RYR2: variants seen among roughly 807,000 people sequenced by gnomAD.
RYR2 encodes the protein ryanodine receptor 2.
In RYR2, 227 loss-of-function variants were observed where a neutral mutation model predicts 601.1. The ratio of observed to expected loss-of-function variants is 0.38; its 90% CI spans 0.34 to 0.42. RYR2 has a LOEUF of 0.42. RYR2 is among the 10% of genes least tolerant of loss of function. The pLI is 1.00. For missense variants in RYR2, 4,646 were observed against 6,156.5 expected (o/e 0.75, Z 8.21); for synonymous variants, 2,223 against 2,175.1 (o/e 1.02, Z -0.61).
intron 70 of RYR2, among the ~76,000 whole-genome samples, chr1:237,711,463 A>G (rs996258621): frequency 6.6e-6 from 1 of 152,210 alleles, no homozygotes; most frequent in African/African-American, 2.4e-5. Flanking sequence ...GCGTTTGAAT[A>G]TTCATTCTAC....
At chr1:237,434,148 G>A (rs1707119263) in intron 12 of RYR2, among the ~76,000 whole-genome samples, 1 of 152,150 alleles carries the variant, frequency 6.6e-6, no homozygotes, top group African/African-American at 2.4e-5. Flanking sequence ...GAAAGTATAA[G>A]TACATTTGGA....
intron 2 of RYR2, among the ~76,000 whole-genome samples, chr1:237,287,603 TGAGACTTTCCA>T (rs1312710437): frequency 1.3e-5 from 2 of 152,246 alleles, no homozygotes; most frequent in African/African-American, 4.8e-5. Context: ...ATTCTATTGC[TGAGACTTTCCA>T]GAGCATTTCA....
chr1:237,626,257 GAAT>G (rs1222591313), intron 40 of RYR2, among the ~76,000 whole-genome samples: 1 of 151,988 alleles, frequency 6.6e-6, no homozygotes, highest in Non-Finnish European at 1.5e-5. Context: ...TCCTATTTCA[GAAT>G]AATAAGCACC....
chr1:237,664,654 G>A (rs1055458597), intron 56 of RYR2, among the ~76,000 whole-genome samples: 6 of 152,246 alleles, frequency 3.9e-5, no homozygotes, highest in South Asian at 2.1e-4. Context: ...GGGTACCCCC[G>A]ACAATATGAG....
At chr1:237,168,739 G>A (rs1676999295) in intron 1 of RYR2, among the ~76,000 whole-genome samples, 1 of 152,120 alleles carries the variant, frequency 6.6e-6, no homozygotes, top group Non-Finnish European at 1.5e-5. Flanking sequence ...AGAGCTGATG[G>A]CTGTCAGTTA....
chr1:237,073,866 TAA>T (rs71178385), intron 1 of RYR2, among the ~76,000 whole-genome samples: 4 of 123,260 alleles, frequency 3.2e-5, no homozygotes, highest in Non-Finnish European at 3.2e-5. Context: ...GACTCCATCT[TAA>T]AAAAAAAAAA....
chr1:237,778,498 A>C (rs1694842702), intron 87 of RYR2, among the ~76,000 whole-genome samples, 168 bp from the exon 88 acceptor site: 1 of 152,144 alleles, frequency 6.6e-6, no homozygotes, highest in Non-Finnish European at 1.5e-5. Context: ...CTTAAGGATC[A>C]TTATCATCAC....
At chr1:237,827,672 CTCACGCCTG>C (rs1374130925) in intron 101 of RYR2, among the ~76,000 whole-genome samples, 3 of 147,318 alleles carry the variant, frequency 2.0e-5, no homozygotes, top group Non-Finnish European at 4.5e-5. Flanking sequence ...GGCATGGTGG[CTCACGCCTG>C]TAATCCCAGC....
At chr1:237,403,462 C>T (rs186601600) in intron 10 of RYR2, among the ~76,000 whole-genome samples, 6 of 152,190 alleles carry the variant, frequency 3.9e-5, no homozygotes, top group South Asian at 2.1e-4. Context: ...GGCCTTGCTC[C>T]GGCTAGAGTG....
chr1:237,249,105 G>T (rs1271117977), intron 1 of RYR2, among the ~76,000 whole-genome samples: 1 of 152,060 alleles, frequency 6.6e-6, no homozygotes, highest in Non-Finnish European at 1.5e-5. Flanking sequence ...TCTTTAGATT[G>T]AGCATCTTTG....
chr1:237,563,411 C>CA (rs35997311), intron 27 of RYR2, among the ~76,000 whole-genome samples: 14,232 of 132,496 alleles, frequency 0.11, 979 homozygotes, highest in East Asian at 0.21. Flanking sequence ...AACTCCATCT[C>CA]AAAAAAAAAA....
At chr1:237,704,412 TCA>T (rs1688199392) in intron 66 of RYR2, among the ~76,000 whole-genome samples, 1 of 152,178 alleles carries the variant, frequency 6.6e-6, no homozygotes, top group Non-Finnish European at 1.5e-5. Flanking sequence ...AATAAAACCA[TCA>T]TGTAAAGTAA....
Position 237,738,925 on chromosome 1 carries a change from C to CCATT in RYR2, c.11092-3371_11092-3370insCATT, listed in dbSNP as rs1350254901. Among the ~76,000 whole-genome samples the CCATT allele has an allele frequency of 6.6e-5, 10 of 152,184 alleles. No individual in the cohort carries two copies. The East Asian group carries it at 1.9e-3, about 29-fold the overall frequency. On this transcript the variant is annotated intron_variant, in intron 79 of 104. Transcript: ENST00000366574. The stretch of plus-strand genomic sequence containing the variant: ...TTACTGCATCAATGGACATTCTTAA[C>CCATT]AACAATGGTTAAGAGAGATTCTGGT...
At chr1:237,829,982 A>T (rs1211171529) in intron 102 of RYR2, 3 of 152,536 alleles carry the variant, frequency 2.0e-5, no homozygotes, top group African/African-American at 7.2e-5. Flanking sequence ...CTCCATTCAC[A>T]TCCACTGGCT....
At chr1:237,177,129 G>A (rs1331817508) in intron 1 of RYR2, among the ~76,000 whole-genome samples, 1 of 152,124 alleles carries the variant, frequency 6.6e-6, no homozygotes, top group African/African-American at 2.4e-5. Context: ...TCACTGTTAG[G>A]AGTATTTTGC....
intron 1 of RYR2, among the ~76,000 whole-genome samples, chr1:237,192,475 G>A (rs1279072928): frequency 5.9e-5 from 9 of 152,134 alleles, no homozygotes; most frequent in South Asian, 2.1e-4. Context: ...TCGGCCTCCC[G>A]AAGTGCCGGG....
At position 237,165,158 on chromosome 1, in the gene RYR2, A is replaced by T. The variant is rs541210320; in HGVS notation, c.49-105339A>T. Among the ~76,000 whole-genome samples the T allele has an allele frequency of 3.9e-5, 6 of 151,922 alleles. No individual in the cohort carries two copies. In the East Asian group the frequency reaches 1.2e-3, roughly 29 times the overall value. ...TTTTTTGTAGAGATGGGGTCTCACT[A>T]TGTTGCCCAGGCTTGCATTTATTCA... On this transcript the variant is annotated intron_variant, in intron 1 of 104. Transcript: ENST00000366574.
intron 32 of RYR2, among the ~76,000 whole-genome samples, chr1:237,592,304 T>A (rs571623932): frequency 9.2e-5 from 14 of 152,284 alleles, no homozygotes; most frequent in African/African-American, 3.4e-4. Context: ...TGATCCCATA[T>A]TTGAGTTTGA....
chr1:237,647,407 ATT>A (rs780836345), intron 48 of RYR2, among the ~76,000 whole-genome samples: 10 of 152,228 alleles, frequency 6.6e-5, no homozygotes, highest in Non-Finnish European at 1.2e-4. Context: ...CAGAACTATT[ATT>A]CTTATAATGT....
Sources: gnomAD v4.1 joint callset for allele counts (sites outside exome capture counted in the v4.1 genomes callset) on GRCh38, gnomAD v4.1.1 for gene constraint, MANE v1.5 for transcripts, NCBI Gene and HGNC (gene_info 2026-07-23, HGNC 2026-07-21) for gene names.